The following CAMK4 variants were observed in gnomAD, a reference collection of about 807,000 sequenced individuals.
CAMK4 encodes calcium/calmodulin dependent protein kinase IV, also known as calcium/calmodulin-dependent protein kinase type IV.
In CAMK4, 22 loss-of-function variants were observed where a neutral mutation model predicts 44.9. That is an observed-to-expected ratio of 0.49 (90% CI 0.35 to 0.70). The LOEUF is 0.70. CAMK4 is among the 30% of genes least tolerant of loss of function. The pLI is 0.01. For missense variants in CAMK4, 498 were observed against 586.8 expected, an observed-to-expected ratio of 0.85 and a Z score of 1.56; for synonymous variants, 218 against 215.4, an observed-to-expected ratio of 1.01 and a Z score of -0.11.
Position 111,486,514 on chromosome 5 carries a change from C to CACACACACACACACACACAA in CAMK4, c.*2067_*2068insAACACACACACACACACACA, listed in dbSNP as rs1755629023. The CACACACACACACACACACAA allele has an allele frequency of 8.3e-6, 1 of 120,580 alleles. No homozygotes were observed. Among genetic ancestry groups the CACACACACACACACACACAA allele is most frequent in the African/African-American group, 3.2e-5 (1 of 31,372 alleles). The allele number at this position is 120,580 out of a possible 1,614,324, so 7.5% of individuals were successfully genotyped here. A position where few individuals can be genotyped will look rare whatever the true frequency, so the allele number is the denominator to read the frequency against. ...CATGAGACTGAAACACACACACACACACACACACACACACACACACACACA... is the reference window on the plus strand; with the variant it reads ...CATGAGACTGAAACACACACACACACACACACACACACACACACAAACACACACACACACACACACACACA... On this transcript the variant is annotated 3_prime_UTR_variant, in exon 11 of 11. Coordinates refer to ENST00000282356, the MANE Select transcript of CAMK4 (RefSeq NM_001744.6).
At chr5:111,352,637 CAG>C (rs70973603) in intron 2 of CAMK4, among the ~76,000 whole-genome samples, 3,746 of 109,102 alleles carry the variant, frequency 0.034, 75 homozygotes, top group Non-Finnish European at 0.041. Context: ...GGCAGAATAG[CAG>C]AGAGAGAGAG....
intron 1 of CAMK4, among the ~76,000 whole-genome samples, chr5:111,244,826 A>G (rs1749161058): frequency 6.6e-6 from 1 of 152,202 alleles, no homozygotes; most frequent in South Asian, 2.1e-4. Flanking sequence ...GCACCACTGC[A>G]TTCCAGCCTG....
chr5:111,346,705 C>T (rs970017992), intron 2 of CAMK4, among the ~76,000 whole-genome samples: 1 of 151,962 alleles, frequency 6.6e-6, no homozygotes, highest in East Asian at 1.9e-4. Flanking sequence ...CCATGCCTCT[C>T]TCCTAGCTTC....
chr5:111,336,569 A>G (rs1160055371), intron 1 of CAMK4, among the ~76,000 whole-genome samples: 1 of 150,944 alleles, frequency 6.6e-6, no homozygotes, highest in Non-Finnish European at 1.5e-5. Context: ...TATTTCTAGT[A>G]TACTTGTGTC....
intron 5 of CAMK4, among the ~76,000 whole-genome samples, chr5:111,420,237 C>G (rs1004659506): frequency 6.6e-6 from 1 of 151,992 alleles, no homozygotes; most frequent in South Asian, 2.1e-4. Flanking sequence ...TAATTTGGCT[C>G]TCTGTCTGTT....
intron 1 of CAMK4, among the ~76,000 whole-genome samples, chr5:111,301,611 G>C (rs1423547389): frequency 6.6e-6 from 1 of 152,066 alleles, no homozygotes; most frequent in African/African-American, 2.4e-5. Context: ...ACTCTCATAG[G>C]GGTACCAGCG....
At chr5:111,298,834 G>T (rs928631326) in intron 1 of CAMK4, among the ~76,000 whole-genome samples, 1 of 152,234 alleles carries the variant, frequency 6.6e-6, no homozygotes, top group Non-Finnish European at 1.5e-5. Context: ...CCCGTGCCCC[G>T]TTAGGAACAC....
chr5:111,248,845 A>G (rs1456715603), intron 1 of CAMK4, among the ~76,000 whole-genome samples: 3 of 152,058 alleles, frequency 2.0e-5, no homozygotes, highest in Non-Finnish European at 2.9e-5. Context: ...TTGTGGTTAG[A>G]TCCATTAGCC....
chr5:111,453,568 T>C (rs771714844), intron 7 of CAMK4, among the ~76,000 whole-genome samples: 3 of 152,040 alleles, frequency 2.0e-5, no homozygotes, highest in Non-Finnish European at 4.4e-5. Flanking sequence ...TATGATTCTA[T>C]AGAAAGCAAA....
intron 1 of CAMK4, among the ~76,000 whole-genome samples, chr5:111,337,067 A>G (rs1453495620): frequency 6.6e-6 from 1 of 151,234 alleles, no homozygotes; most frequent in African/African-American, 2.4e-5. Context: ...CAGTCAAGAT[A>G]TAAAATAGTT....
At chr5:111,272,446 G>C (rs1253185435) in intron 1 of CAMK4, among the ~76,000 whole-genome samples, 1 of 152,022 alleles carries the variant, frequency 6.6e-6, no homozygotes, top group Non-Finnish European at 1.5e-5. Flanking sequence ...TAAGTGGCAG[G>C]AACCTAGATT....
chr5:111,308,330 A>C (rs1748028549), intron 1 of CAMK4, among the ~76,000 whole-genome samples: 1 of 152,222 alleles, frequency 6.6e-6, no homozygotes, highest in Non-Finnish European at 1.5e-5. Context: ...AATATGAGCA[A>C]GCTTTAATTT....
Position 111,227,986 on chromosome 5 carries a change from G to T in CAMK4, c.161+3342G>T, listed in dbSNP as rs150182190. 4.2e-3 allele frequency among the ~76,000 whole-genome samples: 634 copies of T among 152,232 alleles called. 5 individuals are homozygous for T. Among genetic ancestry groups the T allele is most frequent in the African/African-American group, 0.015 (609 of 41,540 alleles). On this transcript the variant is annotated intron_variant, in intron 1 of 10. Coordinates refer to ENST00000282356, the MANE Select transcript of CAMK4 (RefSeq NM_001744.6). ...TTTAAAGGCTTTTCTGAGGGAGAAG[G>T]GAGCTGCCTCTGGTCCAGATCCCGC... is the stretch of plus-strand genomic sequence containing the variant.
chr5:111,229,787 C>A (rs544998024), intron 1 of CAMK4, among the ~76,000 whole-genome samples: 2 of 152,268 alleles, frequency 1.3e-5, no homozygotes, highest in African/African-American at 4.8e-5. Context: ...GTCTTGTTCT[C>A]TGTGCATCTG....
intron 7 of CAMK4, among the ~76,000 whole-genome samples, chr5:111,454,719 A>G (rs1714033721): frequency 6.6e-6 from 1 of 152,056 alleles, no homozygotes; most frequent in Non-Finnish European, 1.5e-5. Context: ...TAACTATACA[A>G]TATTAACTGC....
At chr5:111,421,119 A>G (rs921391329) in intron 5 of CAMK4, among the ~76,000 whole-genome samples, 1 of 152,216 alleles carries the variant, frequency 6.6e-6, no homozygotes, top group Non-Finnish European at 1.5e-5. Context: ...GGGAACTAAT[A>G]AATGTCCATG....
intron 1 of CAMK4, among the ~76,000 whole-genome samples, chr5:111,300,387 A>C (rs1338691764): frequency 6.6e-6 from 1 of 152,218 alleles, no homozygotes; most frequent in Non-Finnish European, 1.5e-5. Flanking sequence ...CTAGTTGTTC[A>C]AGTTATTTTA....
chr5:111,280,026 C>T (rs77184747), intron 1 of CAMK4, among the ~76,000 whole-genome samples: 2,176 of 152,158 alleles, frequency 0.014, 50 homozygotes, highest in African/African-American at 0.05. Context: ...AGAAGATGTC[C>T]GAAACACCTG....
intron 5 of CAMK4, among the ~76,000 whole-genome samples, chr5:111,408,933 G>A (rs1410744996): frequency 6.6e-6 from 1 of 152,204 alleles, no homozygotes; most frequent in Non-Finnish European, 1.5e-5. Context: ...GATGCAAGCA[G>A]TGGGCTCCCA....
Sources: allele counts gnomAD v4.1 joint callset (sites outside exome capture counted in the v4.1 genomes callset), GRCh38; gene constraint gnomAD v4.1.1; transcripts MANE v1.5; gene names NCBI Gene and HGNC (gene_info 2026-07-23, HGNC 2026-07-21).